Variants in ERAP1 observed in about 807,000 individuals in gnomAD.
ERAP1 encodes the protein adipocyte-derived leucine aminopeptidase.
In ERAP1, 86 loss-of-function variants were observed where a neutral mutation model predicts 103.7. The ratio of observed to expected loss-of-function variants is 0.83; its 90% CI spans 0.70 to 0.99. The LOEUF is 0.99. ERAP1 is among the 50% of genes least tolerant of loss of function. ERAP1 has a pLI of 0.00. For synonymous variants in ERAP1, 398 were observed against 402.4 expected (o/e 0.99, Z 0.13); for missense variants, 1,009 against 1,128.4 (o/e 0.89, Z 1.52).
At chr5:96,886,389 C>G in the ERAP1 span, among the ~76,000 whole-genome samples, 1 of 152,204 alleles carries the variant, frequency 6.6e-6, no homozygotes, top group African/African-American at 2.4e-5. Flanking sequence ...TATTTTTATG[C>G]TTTCAATCAA....
Position 96,774,952 on chromosome 5 carries a change from T to G in ERAP1, c.*1444A>C. On this transcript the variant is annotated 3_prime_UTR_variant, in exon 19 of 19. Transcript: ENST00000443439. ...AATCATATTCCCTTATCTTGAAGTT[T>G]TTGCCTTATATTCAAAAAGTTCAGT... 6 of 983,184 alleles carry G rather than the reference T, an allele frequency of 6.1e-6. No individual in the cohort carries two copies. Among genetic ancestry groups the G allele is most frequent in the Non-Finnish European group, 7.2e-6 (6 of 828,554 alleles). 60.9% of individuals were successfully genotyped at this position (983,184 alleles called of 1,614,324 possible).
chr5:96,833,556 T>C, the ERAP1 span, among the ~76,000 whole-genome samples: 2 of 152,198 alleles, frequency 1.3e-5, no homozygotes, highest in Admixed American at 1.3e-4. Flanking sequence ...TTCTCCTATA[T>C]ACAGATCACT....
chr5:96,818,173 T>A, the ERAP1 span, among the ~76,000 whole-genome samples: 2 of 152,194 alleles, frequency 1.3e-5, no homozygotes, highest in Admixed American at 6.5e-5. Flanking sequence ...TTTAACATTG[T>A]GACAGAAGCA....
chr5:96,851,607 T>A, the ERAP1 span, among the ~76,000 whole-genome samples: 1 of 152,128 alleles, frequency 6.6e-6, no homozygotes, highest in Non-Finnish European at 1.5e-5. Context: ...CCTATAGGCA[T>A]GACACAGCAA....
chr5:96,805,529 C>G (rs1055337995), intron 1 of ERAP1: 1 of 152,176 alleles, frequency 6.6e-6, no homozygotes, highest in Non-Finnish European at 1.5e-5. Flanking sequence ...CCCAAATGCA[C>G]AGCTCAAGGG....
At chr5:96,773,268 G>GT (rs754629904), downstream of ERAP1, 15 of 153,472 alleles carry the variant, frequency 9.8e-5, no homozygotes, top group Non-Finnish European at 1.6e-4. Flanking sequence ...TCTTTGCCAG[G>GT]TGTGAGGACT....
Position 96,774,787 on chromosome 5 carries a change from A to T in ERAP1, c.*1609T>A. ...AAACCATTCACTACAACAAATAAGT[A>T]TAAAAATTCCAATTCCACTTTTATA... On this transcript the variant is annotated 3_prime_UTR_variant, in exon 19 of 19. Coordinates refer to ENST00000443439, the MANE Select transcript of ERAP1 (RefSeq NM_001040458.3). The T allele has an allele frequency of 1.0e-6, 1 of 984,812 alleles. No homozygotes were observed. Among genetic ancestry groups the T allele is most frequent in the East Asian group, 1.1e-4 (1 of 8,948 alleles). The allele number at this position is 984,812 out of a possible 1,614,324, so 61.0% of individuals were successfully genotyped here.
At chr5:96,770,503 T>G, downstream of ERAP1, 1 of 1,511,788 alleles carries the variant, frequency 6.6e-7, no homozygotes, top group South Asian at 1.1e-5. Context: ...GTGATAGCCA[T>G]AGCCTCATTA....
Position 96,776,378 on chromosome 5 carries a change from C to G in ERAP1, c.*18G>C. 6.3e-7 allele frequency: 1 copy of G among 1,597,916 alleles called. No individual in the cohort carries two copies. On this transcript the variant is annotated 3_prime_UTR_variant, in exon 19 of 19. Transcript: ENST00000443439. ...GTTGGTGATTAGAGATAACAGGAAC[C>G]TGGCAAGGGAGGAATTTTTACATAC...
At chr5:96,770,561 A>G (rs200689846), downstream of ERAP1, 27 of 1,613,230 alleles carry the variant, frequency 1.7e-5, 2 homozygotes, top group African/African-American at 2.4e-4. Flanking sequence ...TTCCAGCTCC[A>G]AAGCACCTAA....
the ERAP1 span, among the ~76,000 whole-genome samples, chr5:96,920,823 G>T: frequency 2.0e-5 from 3 of 152,222 alleles, no homozygotes; most frequent in Non-Finnish European, 2.9e-5. Context: ...TCATAAGGAA[G>T]AAAGTCTGAA....
chr5:96,785,057 A>G (rs1200275120), intron 13 of ERAP1: 1 of 152,456 alleles, frequency 6.6e-6, no homozygotes, highest in African/African-American at 2.4e-5. Context: ...AATTTAGGCC[A>G]GAAGGATACG....
the ERAP1 span, among the ~76,000 whole-genome samples, chr5:96,874,136 G>GAAAGAAAGAAAGAAAGAAAGAA: frequency 8.4e-6 from 1 of 118,784 alleles, no homozygotes; most frequent in Non-Finnish European, 1.8e-5. Context: ...GAAAGAGAGA[G>GAAAGAAAGAAAGAAAGAAAGAA]AGAAAGAAAG....
intron 3 of ERAP1, among the ~76,000 whole-genome samples, chr5:96,798,882 T>TTTTTTTTGAGA (rs1777664540): frequency 6.7e-6 from 1 of 150,130 alleles, no homozygotes; most frequent in African/African-American, 2.4e-5. Context: ...TTTTTTTTTT[T>TTTTTTTTGAGA]TTTGAGATGG....
chr5:96,892,392 C>T, the ERAP1 span: 7 of 1,613,936 alleles, frequency 4.3e-6, no homozygotes, highest in African/African-American at 1.3e-5. Flanking sequence ...GACCCCAAGA[C>T]CTCTTCTGCT....
the ERAP1 span, chr5:96,892,581 C>T: frequency 3.8e-6 from 4 of 1,042,450 alleles, no homozygotes; most frequent in South Asian, 1.6e-5. Flanking sequence ...GACTACTAAA[C>T]CTAACACAAC....
At chr5:96,766,380 C>T (rs1769980782) in intron 19 of ERAP1, among the ~76,000 whole-genome samples, 1 of 152,286 alleles carries the variant, frequency 6.6e-6, no homozygotes, top group Admixed American at 6.5e-5. Flanking sequence ...ACTGTTCAGT[C>T]ACTCACAGAT....
the ERAP1 span, among the ~76,000 whole-genome samples, chr5:96,846,239 C>T: frequency 6.6e-6 from 1 of 152,136 alleles, no homozygotes; most frequent in African/African-American, 2.4e-5. Context: ...TCCTACCCAC[C>T]AACCTGGTCC....
Position 96,795,099 on chromosome 5 carries a change from T to C in ERAP1, c.862A>G (p.Thr288Ala). 2 of 1,613,776 alleles carry C rather than the reference T, an allele frequency of 1.2e-6. No homozygotes were observed. The highest frequency in any genetic ancestry group is 1.1e-5 in the South Asian group (1 of 91,058). ...QADYALDAAV[T>A]LLEFYEDYFS... ...TAATCCTCATAAAATTCTAGAAGAG[T>C]CACCGCAGCATCCAGTGCATAATCT... Residue 288 changes from threonine to alanine, a missense_variant, in exon 5 of 19, where the codon ACT becomes GCT. This residue lies in a region of ERAP1 where 392 missense variants were observed against 455.2 expected (regional missense o/e 0.86). Transcript: ENST00000443439.
Sources: gnomAD v4.1 joint callset for allele counts (sites outside exome capture counted in the v4.1 genomes callset) on GRCh38, gnomAD v4.1.1 for gene constraint, gnomAD v4.1.1 regional missense constraint, MANE v1.5 for transcripts, NCBI Gene and HGNC (gene_info 2026-07-23, HGNC 2026-07-21) for gene names.